Variants in SLIT1 observed in about 807,000 individuals in gnomAD.
The protein encoded by SLIT1 is slit homolog 1 protein.
SLIT1 carries 66 observed loss-of-function variants against 186.1 expected under a neutral mutation model. The observed-to-expected ratio is 0.35, with a 90% CI of 0.29 to 0.44. The LOEUF (loss-of-function observed/expected upper bound fraction) is 0.44, where lower values mean the gene tolerates loss of function less well. SLIT1 is among the 20% of genes least tolerant of loss of function. SLIT1 has a pLI of 1.00. For missense variants in SLIT1, 1,638 were observed against 2,037.4 expected (o/e 0.80, Z 3.77); for synonymous variants, 761 against 833.8 (o/e 0.91, Z 1.50).
At chr10:97,019,138 G>A in intron 26 of SLIT1, 31 bp from the exon 27 acceptor site, 1 of 1,401,956 alleles carries the variant, frequency 7.1e-7, no homozygotes, top group Non-Finnish European at 1.0e-6. Context: ...TAGTGCAGGG[G>A]GAGGGGTGGG....
At chr10:97,039,700 C>T (rs181081316) in intron 21 of SLIT1, among the ~76,000 whole-genome samples, 4 of 152,330 alleles carry the variant, frequency 2.6e-5, no homozygotes, top group South Asian at 2.1e-4. Flanking sequence ...CAATGACAGG[C>T]GGGAAAGCAA....
At chr10:97,095,483 T>G (rs1849278274) in intron 4 of SLIT1, among the ~76,000 whole-genome samples, 2 of 152,106 alleles carry the variant, frequency 1.3e-5, no homozygotes, top group African/African-American at 4.8e-5. Flanking sequence ...CAGCTTCAGA[T>G]GCCAACTCTG....
At chr10:97,122,885 T>C (rs933195330) in intron 4 of SLIT1, among the ~76,000 whole-genome samples, 2 of 152,170 alleles carry the variant, frequency 1.3e-5, no homozygotes, top group Non-Finnish European at 2.9e-5. Context: ...TCAGCAGCTC[T>C]ATATTTCACC....
chr10:97,135,584 G>A (rs1029926368), intron 4 of SLIT1, among the ~76,000 whole-genome samples: 1 of 152,154 alleles, frequency 6.6e-6, no homozygotes, highest in South Asian at 2.1e-4. Context: ...GCAGCTTCCC[G>A]CTGGGCCGCC....
chr10:97,052,103 T>C (rs1428202149), intron 13 of SLIT1, among the ~76,000 whole-genome samples: 1 of 70,010 alleles, frequency 1.4e-5, no homozygotes, highest in African/African-American at 3.5e-5. Context: ...TTTTTTTGTT[T>C]GTTTTTTTTT....
intron 4 of SLIT1, among the ~76,000 whole-genome samples, chr10:97,087,323 A>G (rs1040855461): frequency 6.6e-6 from 1 of 152,092 alleles, no homozygotes; most frequent in African/African-American, 2.4e-5. Context: ...AATTCTGACC[A>G]TCTCCTGCAG....
At chr10:97,115,627 C>A (rs938128992) in intron 4 of SLIT1, among the ~76,000 whole-genome samples, 3 of 151,998 alleles carry the variant, frequency 2.0e-5, no homozygotes, top group Admixed American at 6.5e-5. Context: ...GGCATCCTGA[C>A]CCCTGAGTCC....
intron 23 of SLIT1, 39 bp from the exon 24 acceptor site, chr10:97,031,716 T>G: frequency 6.6e-7 from 1 of 1,504,798 alleles, no homozygotes; most frequent in Non-Finnish European, 9.0e-7. Context: ...ACTGTGTTAG[T>G]GCCTGGCCCC....
intron 3 of SLIT1, among the ~76,000 whole-genome samples, chr10:97,161,858 C>G (rs1850031671): frequency 1.3e-5 from 2 of 152,180 alleles, no homozygotes; most frequent in Admixed American, 1.3e-4. Flanking sequence ...GTTCTAATCC[C>G]CTCTTCTGTA....
At chr10:97,039,782 G>A (rs1474360076) in intron 21 of SLIT1, among the ~76,000 whole-genome samples, 1 of 151,746 alleles carries the variant, frequency 6.6e-6, no homozygotes, top group Non-Finnish European at 1.5e-5. Flanking sequence ...GTCATCAGGT[G>A]ACCGCAGAGG....
intron 4 of SLIT1, among the ~76,000 whole-genome samples, chr10:97,088,863 C>T (rs1849197609): frequency 6.6e-6 from 1 of 152,140 alleles, no homozygotes; most frequent in African/African-American, 2.4e-5. Context: ...TGTCAGCATC[C>T]CCACCCAAAA....
chr10:97,040,749 C>G (rs1309704141), intron 20 of SLIT1, among the ~76,000 whole-genome samples: 1 of 152,134 alleles, frequency 6.6e-6, no homozygotes, highest in African/African-American at 2.4e-5. Flanking sequence ...TCCGAGCCCT[C>G]GATACCACAC....
chr10:97,118,642 A>G (rs1261425691), intron 4 of SLIT1, among the ~76,000 whole-genome samples: 3 of 152,204 alleles, frequency 2.0e-5, no homozygotes, highest in Non-Finnish European at 2.9e-5. Context: ...GGAAGGAAAC[A>G]TGGCTCATCT....
At chr10:97,055,853 T>C (rs1265882045) in intron 13 of SLIT1, among the ~76,000 whole-genome samples, 1 of 152,208 alleles carries the variant, frequency 6.6e-6, no homozygotes, top group Non-Finnish European at 1.5e-5. Flanking sequence ...AAGAACAAAA[T>C]GCTGCCAACT....
At chr10:97,059,327 TG>T in intron 11 of SLIT1, 132 bp downstream of exon 11, 1 of 714,300 alleles carries the variant, frequency 1.4e-6, no homozygotes, top group Non-Finnish European at 2.4e-6. Context: ...CCACTGAGGC[TG>T]GGGTGGGCAG....
At chr10:97,125,525 C>G (rs1231136522) in intron 4 of SLIT1, among the ~76,000 whole-genome samples, 2 of 124,004 alleles carry the variant, frequency 1.6e-5, no homozygotes, top group African/African-American at 2.8e-5. Flanking sequence ...CAAAGCGAGA[C>G]CCTGTGTCAA....
intron 4 of SLIT1, among the ~76,000 whole-genome samples, chr10:97,086,952 T>C (rs768376160): frequency 1.6e-4 from 24 of 152,202 alleles, no homozygotes; most frequent in Non-Finnish European, 2.5e-4. Flanking sequence ...TTATGACAAA[T>C]GTACGGCTCT....
intron 25 of SLIT1, among the ~76,000 whole-genome samples, chr10:97,027,752 CAT>C (rs914332582): frequency 6.6e-6 from 1 of 152,146 alleles, no homozygotes; most frequent in Non-Finnish European, 1.5e-5. Context: ...TTGCTTAAAA[CAT>C]ATGTTGTTTG....
At chr10:97,046,440 A>G (rs1396508493) in intron 18 of SLIT1, among the ~76,000 whole-genome samples, 1 of 152,234 alleles carries the variant, frequency 6.6e-6, no homozygotes, top group Admixed American at 6.5e-5. Flanking sequence ...CCAACTGGGC[A>G]TTGGCCCCAT....
Sources: gnomAD v4.1 joint callset for allele counts (sites outside exome capture counted in the v4.1 genomes callset) on GRCh38, gnomAD v4.1.1 for gene constraint, MANE v1.5 for transcripts, NCBI Gene and HGNC (gene_info 2026-07-23, HGNC 2026-07-21) for gene names.